SCAP: variants seen among roughly 807,000 people sequenced by gnomAD.
SCAP encodes the protein SREBF chaperone.
In SCAP, 65 loss-of-function variants were observed where a neutral mutation model predicts 123.6. The ratio of observed to expected loss-of-function variants is 0.53; its 90% CI spans 0.43 to 0.65. SCAP has a LOEUF of 0.65. SCAP is among the 30% of genes least tolerant of loss of function. The probability of loss-of-function intolerance (pLI) is 0.00; values close to 1 mark genes in which losing one functional copy is unlikely to be tolerated. For synonymous variants in SCAP, 740 were observed against 726.3 expected, an observed-to-expected ratio of 1.02 and a Z score of -0.30; for missense variants, 1,398 against 1,712.5, an observed-to-expected ratio of 0.82 and a Z score of 3.24.
At chr3:47,474,589 G>A (rs1028659087) in intron 1 of SCAP, among the ~76,000 whole-genome samples, 2 of 151,802 alleles carry the variant, frequency 1.3e-5, no homozygotes, top group Non-Finnish European at 2.9e-5. Context: ...GAGCCCAGGA[G>A]TTAAAGACCA....
chr3:47,473,976 A>AG (rs1708168768), intron 1 of SCAP, among the ~76,000 whole-genome samples: 1 of 152,222 alleles, frequency 6.6e-6, no homozygotes, highest in Admixed American at 6.5e-5. Context: ...GAAAAGAGAG[A>AG]GCATTCAAGC....
chr3:47,415,885 C>T (rs982902446), intron 18 of SCAP, among the ~76,000 whole-genome samples: 1 of 152,192 alleles, frequency 6.6e-6, no homozygotes, highest in Middle Eastern at 3.2e-3. Context: ...AGACCACAGT[C>T]ACCAGGAACC....
chr3:47,414,416 A>G, intron 21 of SCAP, 30 bp from the exon 22 acceptor site: 1 of 1,610,662 alleles, frequency 6.2e-7, no homozygotes, highest in Non-Finnish European at 8.5e-7. Context: ...GAGTGGGGTC[A>G]CCATGGTGTA....
At chr3:47,455,250 A>G (rs1468453434) in intron 1 of SCAP, among the ~76,000 whole-genome samples, 1 of 151,700 alleles carries the variant, frequency 6.6e-6, no homozygotes, top group Non-Finnish European at 1.5e-5. Context: ...ACTAAAATAA[A>G]TAACAAAACC....
intron 7 of SCAP, 131 bp from the exon 8 acceptor site, chr3:47,425,742 C>T: frequency 9.7e-7 from 1 of 1,027,220 alleles, no homozygotes; most frequent in Non-Finnish European, 1.4e-6. Flanking sequence ...AAGGGACAGG[C>T]ACAAGCACTT....
chr3:47,476,239 G>T (rs559355994), upstream of SCAP: 5 of 152,354 alleles, frequency 3.3e-5, no homozygotes, highest in Non-Finnish European at 7.3e-5. Context: ...AAGGCGCGAA[G>T]ATCGCTTGAG....
At chr3:47,476,002 C>G (rs1280139483), upstream of SCAP, 3 of 152,300 alleles carry the variant, frequency 2.0e-5, no homozygotes, top group Admixed American at 6.5e-5. Context: ...CGCACGTGCG[C>G]CCAGCGGCGT....
chr3:47,472,463 T>TAA (rs779809130), intron 1 of SCAP, among the ~76,000 whole-genome samples: 2 of 130,616 alleles, frequency 1.5e-5, no homozygotes, highest in African/African-American at 3.6e-5. Context: ...TAAAATAAAA[T>TAA]AATAATAATA....
chr3:47,415,043 C>G, intron 19 of SCAP, 50 bp from the exon 20 acceptor site: 6 of 1,578,780 alleles, frequency 3.8e-6, no homozygotes, highest in Non-Finnish European at 5.2e-6. Context: ...AATGGGTAGA[C>G]GGCCCCTGCC....
intron 3 of SCAP, 155 bp downstream of exon 3, chr3:47,434,853 A>G: frequency 1.1e-6 from 1 of 891,864 alleles, no homozygotes; most frequent in Non-Finnish European, 1.7e-6. Context: ...AAAATGTATA[A>G]ACTAAGTATC....
At chr3:47,432,971 A>G in intron 3 of SCAP, among the ~76,000 whole-genome samples, 1 of 152,156 alleles carries the variant, frequency 6.6e-6, no homozygotes, top group East Asian at 1.9e-4. Flanking sequence ...GCTCCCTTTT[A>G]TCCTCCACTG....
Position 47,414,881 on chromosome 3 carries a change from G to A in SCAP, c.3252C>T (p.Ala1084=). The A allele has an allele frequency of 1.9e-6, 3 of 1,612,674 alleles. No individual in the cohort carries two copies. The highest frequency in any genetic ancestry group is 2.5e-6 in the Non-Finnish European group (3 of 1,179,752). Residue 1084 remains alanine (A), a synonymous_variant, in exon 20 of 23, where the codon GCC becomes GCT. Transcript: ENST00000265565. The part of the protein sequence containing the change: ...VPCAHQKPIT[A]LKAAAGRLVT... ...CCAAGCGCCCAGCAGCGGCTTTCAG[G>A]GCTGTGATGGGTTTTTGGTGTGCAC...
intron 1 of SCAP, among the ~76,000 whole-genome samples, chr3:47,444,478 C>A (rs756515660): frequency 6.6e-6 from 1 of 152,098 alleles, no homozygotes; most frequent in Non-Finnish European, 1.5e-5. Flanking sequence ...ATCCAGGAAC[C>A]CTTTATTTTT....
chr3:47,433,242 A>G (rs982897779), intron 3 of SCAP, among the ~76,000 whole-genome samples: 1 of 152,182 alleles, frequency 6.6e-6, no homozygotes, highest in Non-Finnish European at 1.5e-5. Context: ...GCTGGCCTGT[A>G]TCTTTATCAA....
intron 1 of SCAP, among the ~76,000 whole-genome samples, chr3:47,474,950 G>A (rs1289848361): frequency 2.6e-5 from 4 of 152,182 alleles, no homozygotes; most frequent in South Asian, 4.1e-4. Flanking sequence ...ATAAAGACAC[G>A]GCATAACCAA....
chr3:47,437,572 C>G (rs1457132619), intron 2 of SCAP, among the ~76,000 whole-genome samples: 1 of 151,592 alleles, frequency 6.6e-6, no homozygotes, highest in Non-Finnish European at 1.5e-5. Flanking sequence ...GAAACGCCAT[C>G]CCTAAAAAAA....
At chr3:47,442,809 G>A in intron 2 of SCAP, 63 bp downstream of exon 2, 1 of 1,480,552 alleles carries the variant, frequency 6.8e-7, no homozygotes, top group Admixed American at 1.7e-5. Flanking sequence ...TAGTGGTTAG[G>A]GTTAGAAAAC....
rs747259009 is a variant in SCAP, at chr3:47,414,296, G to A, written c.3478C>T (p.Arg1160Cys). The A allele has an allele frequency of 1.7e-5, 27 of 1,613,204 alleles. No individual in the cohort carries two copies. The highest frequency in any genetic ancestry group is 4.4e-5 in the South Asian group (4 of 91,092). ...CAGGTAAGGGAGGTGACATCCCCAC[G>A]GTGAGCAAACACATGGCTGACCCGG... ...GSRVSHVFAH[R>C]GDVTSLTCTT... Residue 1160 changes from arginine to cysteine, a missense_variant, in exon 22 of 23, where the codon CGT becomes TGT. Coordinates refer to ENST00000265565, the MANE Select transcript of SCAP (RefSeq NM_012235.4).
At chr3:47,428,211 A>G (rs1174296612) in intron 4 of SCAP, among the ~76,000 whole-genome samples, 2 of 151,978 alleles carry the variant, frequency 1.3e-5, no homozygotes, top group Non-Finnish European at 2.9e-5. Flanking sequence ...TTACATTCAC[A>G]CCATAACCCA....
Sources: gnomAD v4.1 joint callset for allele counts (sites outside exome capture counted in the v4.1 genomes callset) on GRCh38, gnomAD v4.1.1 for gene constraint, MANE v1.5 for transcripts, NCBI Gene and HGNC (gene_info 2026-07-23, HGNC 2026-07-21) for gene names.